JAK2: variants seen among roughly 807,000 people sequenced by gnomAD.
JAK2 encodes Janus kinase 2, also known as tyrosine-protein kinase JAK2.
Under a neutral mutation model 139.3 loss-of-function variants are expected in JAK2, and 86 were observed. The ratio of observed to expected loss-of-function variants is 0.62; its 90% CI spans 0.52 to 0.74. The LOEUF is 0.74. Among genes scored for constraint, JAK2 ranks in the 30% least tolerant of loss-of-function variants. JAK2 has a pLI of 0.00. For synonymous variants in JAK2, 490 were observed against 437.7 expected (o/e 1.12, Z -1.49); for missense variants, 1,421 against 1,360.3 (o/e 1.04, Z -0.70).
intron 2 of JAK2, among the ~76,000 whole-genome samples, chr9:5,005,494 T>C (rs567787039): frequency 2.5e-4 from 38 of 152,300 alleles, no homozygotes; most frequent in Non-Finnish European, 4.9e-4. Flanking sequence ...ATGTTAACTT[T>C]GCACTCCTGG....
intron 2 of JAK2, among the ~76,000 whole-genome samples, chr9:5,018,802 G>GT (rs890177816): frequency 9.2e-5 from 14 of 152,122 alleles, no homozygotes; most frequent in Admixed American, 3.3e-4. Flanking sequence ...TGACTTGCAG[G>GT]TTTTTTTCTT....
intron 2 of JAK2, among the ~76,000 whole-genome samples, chr9:5,001,640 T>A (rs533429798): frequency 4.7e-4 from 70 of 149,478 alleles, no homozygotes; most frequent in African/African-American, 1.5e-3. Flanking sequence ...TTTTTTTTTT[T>A]ATGATGTGTT....
chr9:5,043,277 T>G (rs988583531), intron 4 of JAK2, among the ~76,000 whole-genome samples: 3 of 151,846 alleles, frequency 2.0e-5, no homozygotes, highest in African/African-American at 7.3e-5. Context: ...TACGTTTCTC[T>G]GATGCTCTTT....
At chr9:5,010,741 C>T (rs183545770) in intron 2 of JAK2, among the ~76,000 whole-genome samples, 2 of 152,246 alleles carry the variant, frequency 1.3e-5, no homozygotes, top group East Asian at 3.9e-4. Flanking sequence ...GTAATATTTC[C>T]TTTAATCCAC....
chr9:5,069,141 G>C lies in JAK2; in HGVS notation c.1446G>C (p.Gln482His). The change falls in exon 11 of 25, where the codon CAG becomes CAC. Residue 482 changes from glutamine (Q) to histidine (H), a missense_variant. Physicochemically the swap from Gln to His is conservative, Grantham distance 24. Coordinates refer to ENST00000381652, the MANE Select transcript of JAK2 (RefSeq NM_004972.4). Reference sequence around the variant, plus strand: ...TTAAAGATCTTTTGAATTGTTACCAGATGGAAACTGTTCGCTCAGACAATA... The same window carrying C: ...TTAAAGATCTTTTGAATTGTTACCACATGGAAACTGTTCGCTCAGACAATA... ...SSLKDLLNCY[Q>H]METVRSDNII... 1.9e-6 allele frequency: 3 copies of C among 1,613,266 alleles called. No homozygotes were observed. The highest frequency in any genetic ancestry group is 2.5e-6 in the Non-Finnish European group (3 of 1,179,440).
chr9:5,107,862 C>A (rs1042591597), intron 22 of JAK2: 1 of 152,092 alleles, frequency 6.6e-6, no homozygotes, highest in African/African-American at 2.4e-5. Flanking sequence ...GTGGGCCTTG[C>A]CTTATTAGTT....
intron 4 of JAK2, among the ~76,000 whole-genome samples, chr9:5,042,223 C>T (rs1388320480): frequency 3.3e-5 from 5 of 151,282 alleles, no homozygotes; most frequent in Non-Finnish European, 7.4e-5. Flanking sequence ...CTGCAAGCTC[C>T]GCCTCCCGGG....
Position 5,070,052 on chromosome 9 carries a change from T to C in JAK2, c.1641T>C (p.Phe547=). ...AAATCAGAAATGAAGATTTGATATT[T>C]GTAAGTCATTAGATACTCATTACTG... ...FHKIRNEDLI[F]NESLGQGTFT... is the part of the protein sequence containing the mutation. Residue 547 remains phenylalanine, a splice_region_variant and synonymous_variant, in exon 12 of 25, where the codon TTT becomes TTC. Transcript: ENST00000381652. 6.3e-7 allele frequency: 1 copy of C among 1,597,222 alleles called. No homozygotes were observed. Among genetic ancestry groups the C allele is most frequent in the South Asian group, 1.1e-5 (1 of 88,398 alleles).
intron 19 of JAK2, among the ~76,000 whole-genome samples, chr9:5,084,326 G>C (rs944009956): frequency 2.6e-5 from 4 of 151,980 alleles, no homozygotes; most frequent in African/African-American, 9.7e-5. Context: ...TGTGTTCAGT[G>C]GTTTGTCTAG....
rs1250526116 is a variant in JAK2 at position 5,066,809 on chromosome 9, T to C, written c.1326+20T>C. The C allele has an allele frequency of 9.1e-7, 1 of 1,101,570 alleles. No homozygotes were observed. The highest frequency in any genetic ancestry group is 1.3e-6 in the Non-Finnish European group (1 of 769,528). The allele number at this position is 1,101,570 out of a possible 1,614,324, so 68.2% of individuals were successfully genotyped here. A position where few individuals can be genotyped will look rare whatever the true frequency, so the allele number is the denominator to read the frequency against. Reference sequence around the variant, plus strand: ...GTCGAGGTTAGTATGTCACACTTATTAGTGGTAACACTTTATTTAGTTCAT... The same window carrying C: ...GTCGAGGTTAGTATGTCACACTTATCAGTGGTAACACTTTATTTAGTTCAT... On this transcript the variant is annotated intron_variant, in intron 10 of 24. Transcript: ENST00000381652.
intron 16 of JAK2, among the ~76,000 whole-genome samples, chr9:5,078,805 T>G (rs1441032004): frequency 2.0e-5 from 3 of 152,140 alleles, no homozygotes; most frequent in Non-Finnish European, 4.4e-5. Flanking sequence ...AGCCTGAGAT[T>G]TTAGGATTTT....
intron 22 of JAK2, among the ~76,000 whole-genome samples, chr9:5,101,446 G>A (rs565063287): frequency 6.6e-6 from 1 of 152,366 alleles, no homozygotes; most frequent in Admixed American, 6.5e-5. Context: ...CCACACCTCT[G>A]GGGGCAGGGC....
At chr9:5,020,830 G>T (rs896860877) in intron 2 of JAK2, among the ~76,000 whole-genome samples, 4 of 152,120 alleles carry the variant, frequency 2.6e-5, no homozygotes, top group African/African-American at 9.7e-5. Context: ...ATGTCAGTGG[G>T]GCTCTAGGGG....
intron 5 of JAK2, among the ~76,000 whole-genome samples, chr9:5,045,443 A>G (rs1331993001): frequency 1.3e-5 from 2 of 152,164 alleles, no homozygotes; most frequent in Non-Finnish European, 2.9e-5. Flanking sequence ...CATTTTAACC[A>G]TTTTAAGTGT....
chr9:5,104,313 G>C (rs1460244839), intron 22 of JAK2, among the ~76,000 whole-genome samples: 1 of 152,146 alleles, frequency 6.6e-6, no homozygotes, highest in Non-Finnish European at 1.5e-5. Flanking sequence ...AGAAAATCTA[G>C]AAGAAATGGA....
chr9:5,028,129 A>G (rs1412383772), intron 3 of JAK2, among the ~76,000 whole-genome samples: 1 of 152,198 alleles, frequency 6.6e-6, no homozygotes, highest in African/African-American at 2.4e-5. Context: ...ACCTTACTAA[A>G]TGTGTTTCCC....
chr9:5,090,464 T>C lies in JAK2; in HGVS notation c.2780T>C (p.Leu927Ser). ...CYSAGRRNLK[L>S]IMEYLPYGSL... is the part of the protein sequence containing the mutation. ...TTAAAAGGTCGGCGTAATCTAAAAT[T>C]AATTATGGAATATTTACCATATGGA... The change falls in exon 21 of 25, where the codon TTA (leucine) becomes TCA (serine). Residue 927 changes from leucine (L) to serine (S), a missense_variant. Coordinates refer to ENST00000381652, the MANE Select transcript of JAK2 (RefSeq NM_004972.4). 6.4e-7 allele frequency: 1 copy of C among 1,566,892 alleles called. No homozygotes were observed. Among genetic ancestry groups the C allele is most frequent in the Non-Finnish European group, 8.7e-7 (1 of 1,155,906 alleles).
In JAK2 at chr9:5,128,305, G is replaced by A. The variant is rs1180863049; in HGVS notation, c.*1514G>A. 1 of 223,872 alleles carries A rather than the reference G, an allele frequency of 4.5e-6. No homozygotes were observed. Among genetic ancestry groups the A allele is most frequent in the Non-Finnish European group, 8.9e-6 (1 of 112,070 alleles). The allele number at this position is 223,872 out of a possible 1,614,324, so 13.9% of individuals were successfully genotyped here. A position where few individuals can be genotyped will look rare whatever the true frequency, so the allele number is the denominator to read the frequency against. On this transcript the variant is annotated 3_prime_UTR_variant, in exon 25 of 25. Coordinates refer to ENST00000381652, the MANE Select transcript of JAK2 (RefSeq NM_004972.4). ...TTATTATACTTAAAGCATTTTTAAAGCATTTTAATAGTTCTGGATGCAGAA... is the reference window on the plus strand; with the variant it reads ...TTATTATACTTAAAGCATTTTTAAAACATTTTAATAGTTCTGGATGCAGAA...
At chr9:5,116,113 C>T (rs958323845) in intron 22 of JAK2, among the ~76,000 whole-genome samples, 1 of 151,862 alleles carries the variant, frequency 6.6e-6, no homozygotes, top group African/African-American at 2.4e-5. Flanking sequence ...GGGCTAAATG[C>T]ATTTTATGGA....
Sources: allele counts gnomAD v4.1 joint callset (sites outside exome capture counted in the v4.1 genomes callset), GRCh38; gene constraint gnomAD v4.1.1; transcripts MANE v1.5; gene names NCBI Gene and HGNC (gene_info 2026-07-23, HGNC 2026-07-21).